The following BAG6 variants were observed in gnomAD, a reference collection of about 807,000 sequenced individuals.
The protein encoded by BAG6 is large proline-rich protein BAG6.
BAG6 carries 22 observed loss-of-function variants against 121.0 expected under a neutral mutation model. The ratio of observed to expected loss-of-function variants is 0.18; its 90% CI spans 0.13 to 0.26. The LOEUF (loss-of-function observed/expected upper bound fraction) is 0.26, where lower values mean the gene tolerates loss of function less well. BAG6 is among the 10% of genes least tolerant of loss of function. The pLI is 1.00. For synonymous variants in BAG6, 583 were observed against 584.6 expected, an observed-to-expected ratio of 1.00 and a Z score of 0.04; for missense variants, 1,233 against 1,537.7, an observed-to-expected ratio of 0.80 and a Z score of 3.31.
At chr6:31,639,384 G>C in intron 25 of BAG6, 116 bp downstream of exon 25, 1 of 1,514,710 alleles carries the variant, frequency 6.6e-7, no homozygotes, top group Admixed American at 1.9e-5. Flanking sequence ...GATGCCAAAG[G>C]GGAAAACAAA....
At chr6:31,647,192 T>C (rs1790651783) in intron 7 of BAG6, among the ~76,000 whole-genome samples, 2 of 152,074 alleles carry the variant, frequency 1.3e-5, no homozygotes, top group Admixed American at 1.3e-4. Context: ...CATGAGCCAC[T>C]GCACCCAGCC....
At position 31,639,326 on chromosome 6, in the gene BAG6, C is replaced by CG. The variant is rs961906707; in HGVS notation, c.3394-101_3394-100insC. 4.2e-5 allele frequency: 61 copies of CG among 1,452,936 alleles called. No individual in the cohort carries two copies. In the African/African-American group the frequency reaches 7.2e-4, roughly 17 times the overall value. The allele number at this position is 1,452,936 out of a possible 1,614,324, so 90.0% of individuals were successfully genotyped here. ...CCCTCAGAAGCTAACATTTCCCCCCCCAAGCACACTGTCAAATAGCCCGGG... is the reference window on the plus strand; with the variant it reads ...CCCTCAGAAGCTAACATTTCCCCCCCGCAAGCACACTGTCAAATAGCCCGGG... On this transcript the variant is annotated intron_variant, in intron 25 of 25. Transcript: ENST00000676615.
chr6:31,643,184 G>T (rs1784675657), intron 14 of BAG6, 69 bp from the exon 15 acceptor site: 1 of 1,478,968 alleles, frequency 6.8e-7, no homozygotes. Context: ...TAGCAACTTT[G>T]GGAGGCCAAG....
At chr6:31,652,089 CA>C (rs1561977775) in intron 1 of BAG6, 2 of 270,492 alleles carry the variant, frequency 7.4e-6, no homozygotes, top group Non-Finnish European at 1.5e-5. Flanking sequence ...CCGGTCACGG[CA>C]GGACAAGCGC....
Position 31,649,199 on chromosome 6 carries a change from A to G in BAG6, c.423T>C (p.Pro141=), listed in dbSNP as rs777563072. ...CCTCCCCTGTGGAACATAAGCTTAC[A>G]GGAAGATTGAAGGTTCCAACCATGA... is the stretch of plus-strand genomic sequence containing the variant. ...SYVMVGTFNL[P]SDGSAVDVHI... Residue 141 remains proline, a splice_region_variant and synonymous_variant, in exon 4 of 26, where the codon CCT becomes CCC. Transcript: ENST00000676615. 5.0e-6 allele frequency: 8 copies of G among 1,613,038 alleles called. No individual in the cohort carries two copies. In the South Asian group the frequency reaches 6.6e-5, roughly 13 times the overall value.
At position 31,644,677 on chromosome 6, in the gene BAG6, C is replaced by A; in HGVS notation, c.1370-75G>T. ...CTAACTATATCCTTCTGAGATCAGGCATACTTCAGGCCCATAATCCCCCAA... is the reference window on the plus strand; with the variant it reads ...CTAACTATATCCTTCTGAGATCAGGAATACTTCAGGCCCATAATCCCCCAA... On this transcript the variant is annotated intron_variant, in intron 10 of 25. Coordinates refer to ENST00000676615, the MANE Select transcript of BAG6 (RefSeq NM_001387994.1). The surrounding 1 kb of genome is among the most constrained non-coding windows in gnomAD (Gnocchi z 4.9). 1 of 1,469,984 alleles carries A rather than the reference C, an allele frequency of 6.8e-7. No individual in the cohort carries two copies. The highest frequency in any genetic ancestry group is 9.4e-7 in the Non-Finnish European group (1 of 1,059,002). 91.1% of individuals were successfully genotyped at this position (1,469,984 alleles called of 1,614,324 possible). A position where few individuals can be genotyped will look rare whatever the true frequency, so the allele number is the denominator to read the frequency against.
rs186497840 is a variant in BAG6, at chr6:31,647,569, A to C, written c.788+22T>G. The C allele has an allele frequency of 3.1e-6, 5 of 1,608,210 alleles. No homozygotes were observed. The South Asian group carries it at 5.5e-5, about 18-fold the overall frequency. ...CTTCACTTAGGATTCCCCACCCACTAAAGATTCCCTCCATCTCTCACTTGG... is the reference window on the plus strand; with the variant it reads ...CTTCACTTAGGATTCCCCACCCACTCAAGATTCCCTCCATCTCTCACTTGG... On this transcript the variant is annotated intron_variant, in intron 7 of 25. Coordinates refer to ENST00000676615, the MANE Select transcript of BAG6 (RefSeq NM_001387994.1).
intron 8 of BAG6, among the ~76,000 whole-genome samples, chr6:31,645,921 CTG>C (rs1233950462): frequency 6.6e-6 from 1 of 152,234 alleles, no homozygotes; most frequent in African/African-American, 2.4e-5. Flanking sequence ...ATCACCTTCT[CTG>C]TAAGGGAGGA....
At chr6:31,646,856 C>T (rs1790236577) in intron 7 of BAG6, among the ~76,000 whole-genome samples, 1 of 145,080 alleles carries the variant, frequency 6.9e-6, no homozygotes, top group Non-Finnish European at 1.5e-5. Context: ...TCACTGCAAG[C>T]TCCGTCTCCT....
At chr6:31,639,316 AT>A (rs1218000907) in intron 25 of BAG6, 90 bp from the exon 26 acceptor site, 2 of 1,465,582 alleles carry the variant, frequency 1.4e-6, no homozygotes, top group Non-Finnish European at 1.9e-6. Flanking sequence ...AGAAGCTAAC[AT>A]TTCCCCCCCC....
chr6:31,641,916 A>C lies in BAG6; in HGVS notation c.2365T>G (p.Cys789Gly). 6.2e-7 allele frequency: 1 copy of C among 1,612,986 alleles called. No homozygotes were observed. The highest frequency in any genetic ancestry group is 8.5e-7 in the Non-Finnish European group (1 of 1,180,024). Residue 789 changes from cysteine to glycine, a missense_variant, in exon 17 of 26, where the codon TGC becomes GGC. Coordinates refer to ENST00000676615, the MANE Select transcript of BAG6 (RefSeq NM_001387994.1). This position sits in a 1 kb window ranked among gnomAD's most constrained non-coding sequence, Gnocchi z 5.7. ...GFFGALLSLL[C>G]QNFSMVDVVM... is the part of the protein sequence containing the mutation. ...ACGTCCACCATAGAGAAGTTCTGGC[A>C]CAGAAGAGAAAGCAAGGCCCCAAAG...
chr6:31,644,879 C>T lies in BAG6; in HGVS notation c.1369+67G>A, dbSNP rs1787304450. 2.0e-6 allele frequency: 3 copies of T among 1,536,818 alleles called. No individual in the cohort carries two copies. The highest frequency in any genetic ancestry group is 1.4e-5 in the African/African-American group (1 of 72,740). ...GCCTCTCCCTTCCCCACCCTGTTCC[C>T]TCACACCTCAGCATGAACCTCCCTC... On this transcript the variant is annotated intron_variant, in intron 10 of 25. Coordinates refer to ENST00000676615, the MANE Select transcript of BAG6 (RefSeq NM_001387994.1). This position sits in a 1 kb window ranked among gnomAD's most constrained non-coding sequence, Gnocchi z 4.9.
chr6:31,639,824 G>T, intron 24 of BAG6, 178 bp from the exon 25 acceptor site: 1 of 830,834 alleles, frequency 1.2e-6, no homozygotes, highest in Non-Finnish European at 1.8e-6. Context: ...ATTCTCTTTG[G>T]CACTAGCCAA....
In BAG6 at chr6:31,640,442, C is replaced by T. The variant is rs1781581323; in HGVS notation, c.3081G>A (p.Arg1027=). 2 of 1,613,654 alleles carry T rather than the reference C, an allele frequency of 1.2e-6. No homozygotes were observed. The highest frequency in any genetic ancestry group is 1.7e-6 in the Non-Finnish European group (2 of 1,180,052). The change falls in exon 23 of 26, where the codon CGG becomes CGA. Residue 1027 remains arginine (R), a synonymous_variant. Coordinates refer to ENST00000676615, the MANE Select transcript of BAG6 (RefSeq NM_001387994.1). This position sits in a 1 kb window ranked among gnomAD's most constrained non-coding sequence, Gnocchi z 4.2. ...GPPPAPEGGS[R]DEQDGASAET... ...CAGCTGAAGCTCCATCCTGTTCATC[C>T]CGGGAGCCCCCCTCAGGAGCAGGAG...
In BAG6 at chr6:31,640,164, A is replaced by G; in HGVS notation, c.3246+35T>C. ...TTCCAGGCATGACGGGGAAACCTGG[A>G]TAGAGAGAGAGGCTTAGGGAAGAGG... On this transcript the variant is annotated intron_variant, in intron 24 of 25. Transcript: ENST00000676615. This position sits in a 1 kb window ranked among gnomAD's most constrained non-coding sequence, Gnocchi z 4.2. The G allele has an allele frequency of 6.3e-7, 1 of 1,596,016 alleles. No homozygotes were observed. The highest frequency in any genetic ancestry group is 8.6e-7 in the Non-Finnish European group (1 of 1,164,928).
chr6:31,640,561 C>T lies in BAG6; in HGVS notation c.2995-33G>A. The T allele has an allele frequency of 1.9e-6, 3 of 1,612,576 alleles. No individual in the cohort carries two copies. The highest frequency in any genetic ancestry group is 1.7e-6 in the Non-Finnish European group (2 of 1,179,712). On this transcript the variant is annotated intron_variant, in intron 22 of 25. Coordinates refer to ENST00000676615, the MANE Select transcript of BAG6 (RefSeq NM_001387994.1). This position sits in a 1 kb window ranked among gnomAD's most constrained non-coding sequence, Gnocchi z 4.2. ...TCAGATGGCGGGAAGAGCCAGGCTT[C>T]AGAATTTTTAGCCTCCAAACCTTTC...
At chr6:31,639,320 C>T in intron 25 of BAG6, 94 bp from the exon 26 acceptor site, 2 of 1,383,116 alleles carry the variant, frequency 1.4e-6, no homozygotes, top group Non-Finnish European at 2.0e-6. Flanking sequence ...GCTAACATTT[C>T]CCCCCCCAAG....
chr6:31,652,317 CCAAACACA>C (rs1331344091), intron 1 of BAG6, 99 bp downstream of exon 1: 9 of 88,732 alleles, frequency 1.0e-4, no homozygotes, highest in Non-Finnish European at 2.2e-4. Context: ...TAACCCACAG[CCAAACACA>C]CACACACACA....
At position 31,646,422 on chromosome 6, in the gene BAG6, G is replaced by C; in HGVS notation, c.890C>G (p.Ala297Gly). Residue 297 changes from alanine (A) to glycine (G), a missense_variant, in exon 8 of 26, where the codon GCT (alanine) becomes GGT (glycine). This residue lies in a region of BAG6 where 777 missense variants were observed against 861.4 expected (regional missense o/e 0.90). Transcript: ENST00000676615. ...GTTATTGTAGTCCGTGGTGGCAGCA[G>C]CACCCAGAACCTCGTAGTAGCGCTG... is the stretch of plus-strand genomic sequence containing the variant. Reference protein sequence around the residue: ...FLQRYYEVLGAAATTDYNNNH... With the variant: ...FLQRYYEVLGGAATTDYNNNH... 2 of 1,612,974 alleles carry C rather than the reference G, an allele frequency of 1.2e-6. No homozygotes were observed. Among genetic ancestry groups the C allele is most frequent in the Non-Finnish European group, 1.7e-6 (2 of 1,179,982 alleles).
Sources: allele counts gnomAD v4.1 joint callset (sites outside exome capture counted in the v4.1 genomes callset), GRCh38; gene constraint gnomAD v4.1.1; regional missense constraint gnomAD v4.1.1; non-coding constraint Gnocchi (gnomAD v3.1); transcripts MANE v1.5; gene names NCBI Gene and HGNC (gene_info 2026-07-23, HGNC 2026-07-21).